Variants in PCDHGA5 observed in about 807,000 individuals in gnomAD.
PCDHGA5 encodes the protein protocadherin gamma subfamily A, 5.
Under a neutral mutation model 56.7 loss-of-function variants are expected in PCDHGA5, and 36 were observed. The observed-to-expected ratio is 0.64, with a 90% CI of 0.49 to 0.84. The LOEUF is 0.84. Among genes scored for constraint, PCDHGA5 ranks in the 40% least tolerant of loss-of-function variants. PCDHGA5 has a pLI of 0.00. For synonymous variants in PCDHGA5, 563 were observed against 520.2 expected, an observed-to-expected ratio of 1.08 and a Z score of -1.12; for missense variants, 1,305 against 1,201.5, an observed-to-expected ratio of 1.09 and a Z score of -1.27.
chr5:141,394,915 CCT>C, intron 1 of PCDHGA5: 1 of 1,613,774 alleles, frequency 6.2e-7, no homozygotes, highest in South Asian at 1.1e-5. Flanking sequence ...GCTGCCATCT[CCT>C]GTGTCTTCCT....
intron 1 of PCDHGA5, among the ~76,000 whole-genome samples, chr5:141,471,978 A>C (rs1246474598): frequency 1.3e-5 from 2 of 152,184 alleles, no homozygotes; most frequent in African/African-American, 4.8e-5. Flanking sequence ...TTACTGTATA[A>C]ATTTATTAAA....
chr5:141,364,386 T>C lies in PCDHGA5; in HGVS notation c.56T>C (p.Leu19Pro), dbSNP rs543592741. 3.8e-6 allele frequency: 6 copies of C among 1,592,054 alleles called. No homozygotes were observed. In the Admixed American group the frequency reaches 8.9e-5, roughly 24 times the overall value. The change falls in exon 1 of 4, where the codon CTC becomes CCC. Residue 19 changes from leucine to proline, a missense_variant. Transcript: ENST00000518069. ...GGAGAGCTGCTGCTGCCCTTCATGC[T>C]CCTGGGGACGCTGTGCGAGCCAGGA... Reference protein sequence around the residue: ...GCGELLLPFMLLGTLCEPGSG... With the variant: ...GCGELLLPFMPLGTLCEPGSG...
At chr5:141,376,477 T>C (rs550916604) in intron 1 of PCDHGA5, 1 of 1,614,200 alleles carries the variant, frequency 6.2e-7, no homozygotes, top group African/African-American at 1.3e-5. Context: ...AGGATTTACT[T>C]GAAACGAAAG....
At chr5:141,427,997 A>C (rs1471083920) in intron 1 of PCDHGA5, 2 of 1,600,232 alleles carry the variant, frequency 1.2e-6, no homozygotes, top group African/African-American at 2.7e-5. Flanking sequence ...ATGGCTCCGC[A>C]CTCTTCGATA....
intron 2 of PCDHGA5, among the ~76,000 whole-genome samples, chr5:141,500,184 TTTTATTTA>T (rs58019021): frequency 0.099 from 13,469 of 135,812 alleles, 757 homozygotes; most frequent in African/African-American, 0.15. Context: ...TCATTTTTAT[TTTTATTTA>T]TTTATTTATT....
chr5:141,422,898 C>T (rs2096684110), intron 1 of PCDHGA5: 2 of 1,614,250 alleles, frequency 1.2e-6, no homozygotes, highest in Middle Eastern at 1.6e-4. Flanking sequence ...TGGACCAGAA[C>T]GACAATGCGC....
intron 1 of PCDHGA5, chr5:141,427,985 C>T (rs747784722): frequency 3.1e-6 from 5 of 1,597,522 alleles, no homozygotes; most frequent in African/African-American, 2.7e-5. Context: ...CGCTGGGGCC[C>T]GATGGCTCCG....
At chr5:141,423,920 G>A (rs2096790804) in intron 1 of PCDHGA5, 2 of 1,258,728 alleles carry the variant, frequency 1.6e-6, no homozygotes, top group African/African-American at 1.6e-5. Flanking sequence ...ATTCAACTAT[G>A]CTGGTTTGGT....
intron 1 of PCDHGA5, chr5:141,370,522 G>A: frequency 6.2e-7 from 1 of 1,613,884 alleles, no homozygotes; most frequent in Non-Finnish European, 8.5e-7. Context: ...GAGCTGGACA[G>A]GGGCTCGCTG....
At chr5:141,427,519 G>A (rs1428732557) in intron 1 of PCDHGA5, 1 of 602,000 alleles carries the variant, frequency 1.7e-6, no homozygotes, top group Non-Finnish European at 3.1e-6. Context: ...GATTGGGAGC[G>A]GATCCCGGAG....
At chr5:141,367,154 T>A (rs1764978094) in intron 1 of PCDHGA5, 1 of 162,130 alleles carries the variant, frequency 6.2e-6, no homozygotes, top group African/African-American at 2.4e-5. Flanking sequence ...ATAGGACTGA[T>A]ATTTTAGTCT....
chr5:141,409,462 C>G (rs377705841), intron 1 of PCDHGA5: 1 of 1,613,988 alleles, frequency 6.2e-7, no homozygotes, highest in African/African-American at 1.3e-5. Flanking sequence ...AATACAATGT[C>G]ACCATCGTAG....
In PCDHGA5 at chr5:141,418,596, T is replaced by C; in HGVS notation, c.2421+51845T>C. On this transcript the variant is annotated intron_variant, in intron 1 of 3. Coordinates refer to ENST00000518069, the MANE Select transcript of PCDHGA5 (RefSeq NM_018918.3). Reference sequence around the variant, plus strand: ...AACCCCCCAGTGTTCAGCCAGGACGTGTACAGGGTTAGCCTTCGGGAAGAC... The same window carrying C: ...AACCCCCCAGTGTTCAGCCAGGACGCGTACAGGGTTAGCCTTCGGGAAGAC... 8.7e-6 allele frequency: 14 copies of C among 1,614,046 alleles called. No individual in the cohort carries two copies. The highest frequency in any genetic ancestry group is 1.1e-5 in the Non-Finnish European group (13 of 1,179,906).
chr5:141,508,451 C>T (rs1245251907), intron 3 of PCDHGA5, among the ~76,000 whole-genome samples: 1 of 152,180 alleles, frequency 6.6e-6, no homozygotes, highest in Admixed American at 6.5e-5. Flanking sequence ...AGTGGCAGAG[C>T]AGAGCAAATA....
chr5:141,373,942 G>A (rs915722802), intron 1 of PCDHGA5: 1 of 734,324 alleles, frequency 1.4e-6, no homozygotes, highest in African/African-American at 1.8e-5. Flanking sequence ...CAGGAAAGCT[G>A]TGCAGAAATT....
At chr5:141,460,043 A>G (rs527752346) in intron 1 of PCDHGA5, among the ~76,000 whole-genome samples, 1 of 152,276 alleles carries the variant, frequency 6.6e-6, no homozygotes, top group South Asian at 2.1e-4. Context: ...GCACCACTGC[A>G]CTCCAGCCTG....
Position 141,375,459 on chromosome 5 carries a change from T to A in PCDHGA5, c.2421+8708T>A, listed in dbSNP as rs775895246. The A allele has an allele frequency of 1.9e-6, 3 of 1,613,896 alleles. No homozygotes were observed. The highest frequency in any genetic ancestry group is 3.3e-5 in the Admixed American group (2 of 60,016). On this transcript the variant is annotated intron_variant, in intron 1 of 3. Coordinates refer to ENST00000518069, the MANE Select transcript of PCDHGA5 (RefSeq NM_018918.3). ...ACCTTCCCCCATTCATCCTACTCAG[T>A]CTATGTCCTTGAAAACAACCCCAGG... is the stretch of plus-strand genomic sequence containing the variant.
intron 1 of PCDHGA5, among the ~76,000 whole-genome samples, chr5:141,459,789 G>A (rs960868607): frequency 6.6e-6 from 1 of 152,206 alleles, no homozygotes; most frequent in Non-Finnish European, 1.5e-5. Context: ...AGTTTCAACT[G>A]TTTTTCCCTG....
chr5:141,390,373 AT>A, intron 1 of PCDHGA5: 1 of 1,481,206 alleles, frequency 6.8e-7, no homozygotes, highest in Non-Finnish European at 9.2e-7. Flanking sequence ...AAAATATATA[AT>A]TTTTAGATGT....
Sources: allele counts gnomAD v4.1 joint callset (sites outside exome capture counted in the v4.1 genomes callset), GRCh38; gene constraint gnomAD v4.1.1; transcripts MANE v1.5; gene names NCBI Gene and HGNC (gene_info 2026-07-23, HGNC 2026-07-21).